TTC29: variants seen among roughly 807,000 people sequenced by gnomAD.
The protein encoded by TTC29 is tetratricopeptide repeat domain 29.
TTC29 carries 49 observed loss-of-function variants against 58.1 expected under a neutral mutation model. That is an observed-to-expected ratio of 0.84 (90% CI 0.67 to 1.07). The LOEUF (loss-of-function observed/expected upper bound fraction) is 1.07. Ranked by LOEUF, TTC29 falls within the 50% of genes least tolerant of loss-of-function variation. TTC29 has a pLI of 0.00. For synonymous variants in TTC29, 209 were observed against 196.8 expected (o/e 1.06, Z -0.52); for missense variants, 582 against 555.6 (o/e 1.05, Z -0.48).
At chr4:146,914,376 C>T (rs1734084400) in intron 4 of TTC29, among the ~76,000 whole-genome samples, 1 of 152,058 alleles carries the variant, frequency 6.6e-6, no homozygotes, top group Non-Finnish European at 1.5e-5. Context: ...ACTTTTTAGG[C>T]TTTGGTTTCA....
At chr4:146,845,261 T>C (rs1285501312) in intron 8 of TTC29, among the ~76,000 whole-genome samples, 1 of 152,128 alleles carries the variant, frequency 6.6e-6, no homozygotes, top group Non-Finnish European at 1.5e-5. Context: ...TTTCCTTCCA[T>C]GTGTATCAGT....
chr4:146,708,308 TTATATATA>T (rs59963230), intron 11 of TTC29, among the ~76,000 whole-genome samples: 98 of 62,186 alleles, frequency 1.6e-3, no homozygotes, highest in African/African-American at 3.3e-3. Context: ...TATGGGAAGT[TTATATATA>T]TATATATATA....
intron 8 of TTC29, among the ~76,000 whole-genome samples, chr4:146,855,863 A>T (rs1347081755): frequency 6.6e-6 from 1 of 152,136 alleles, no homozygotes. Flanking sequence ...TGACCCACAC[A>T]CTTATTCCTG....
chr4:146,756,906 T>C (rs60107338), intron 11 of TTC29, among the ~76,000 whole-genome samples: 7,477 of 152,194 alleles, frequency 0.049, 630 homozygotes, highest in African/African-American at 0.17. Flanking sequence ...GTAAGCTACC[T>C]ATTTCCATGA....
rs78668530 is a variant in TTC29, at chr4:146,848,254, T to C, written c.886-14357A>G. Among the ~76,000 whole-genome samples, 130 of 152,342 alleles carry C rather than the reference T, an allele frequency of 8.5e-4. 1 individual carries two copies. Among genetic ancestry groups the C allele is most frequent in the Non-Finnish European group, 1.6e-3 (112 of 68,030 alleles). On this transcript the variant is annotated intron_variant, in intron 8 of 12. Coordinates refer to ENST00000325106, the MANE Select transcript of TTC29 (RefSeq NM_031956.4). ...AGTATAATAAAGCATTAATCGAGTA[T>C]ACTTTTATTGACTGAATAAAATTCA...
chr4:146,872,829 C>G (rs1015529092), intron 7 of TTC29, among the ~76,000 whole-genome samples: 11 of 151,986 alleles, frequency 7.2e-5, no homozygotes, highest in African/African-American at 2.7e-4. Context: ...CTGGCAGCTC[C>G]TCAATAAGTT....
rs6848510 is a variant in TTC29 at position 146,930,042 on chromosome 4, A to T, written c.176+7552T>A. ...GCACACATACAATATATATATATAT[A>T]TTTATGAAGATACACACTACATATA... is the stretch of plus-strand genomic sequence containing the variant. On this transcript the variant is annotated intron_variant, in intron 4 of 12. Transcript: ENST00000325106. Among the ~76,000 whole-genome samples, 426 of 144,906 alleles carry T rather than the reference A, an allele frequency of 2.9e-3. 2 individuals are homozygous for T. Among genetic ancestry groups the T allele is most frequent in the African/African-American group, 0.01 (397 of 39,440 alleles).
At chr4:146,864,022 G>A (rs1348122820) in intron 8 of TTC29, among the ~76,000 whole-genome samples, 2 of 152,020 alleles carry the variant, frequency 1.3e-5, no homozygotes, top group Non-Finnish European at 2.9e-5. Flanking sequence ...CCAGCTATCT[G>A]GGCATCCCAT....
chr4:146,728,254 C>G (rs927373380), intron 11 of TTC29, among the ~76,000 whole-genome samples: 2 of 151,616 alleles, frequency 1.3e-5, no homozygotes, highest in Non-Finnish European at 2.9e-5. Flanking sequence ...CCACTGCACT[C>G]CAGTCTGGGC....
At chr4:146,743,859 T>G (rs1267532527) in intron 11 of TTC29, among the ~76,000 whole-genome samples, 1 of 152,232 alleles carries the variant, frequency 6.6e-6, no homozygotes, top group East Asian at 1.9e-4. Context: ...CTCAGGAAGA[T>G]ATTTACAAAT....
intron 8 of TTC29, among the ~76,000 whole-genome samples, chr4:146,859,080 C>A (rs543634837): frequency 6.6e-6 from 1 of 152,222 alleles, no homozygotes; most frequent in East Asian, 1.9e-4. Context: ...TCATATTAAA[C>A]GGGCCCCAAC....
intron 11 of TTC29, among the ~76,000 whole-genome samples, chr4:146,799,547 G>A (rs1750063059): frequency 6.6e-6 from 1 of 152,108 alleles, no homozygotes. Context: ...ACTAAATGAT[G>A]CATAAAACTA....
intron 5 of TTC29, among the ~76,000 whole-genome samples, chr4:146,905,488 T>A (rs1047517409): frequency 2.0e-5 from 3 of 151,736 alleles, no homozygotes; most frequent in African/African-American, 7.2e-5. Context: ...AGACTACTTG[T>A]CAGCTAAGCT....
At chr4:146,878,919 G>A (rs1561214040) in intron 6 of TTC29, among the ~76,000 whole-genome samples, 3 of 152,148 alleles carry the variant, frequency 2.0e-5, no homozygotes, top group East Asian at 3.9e-4. Context: ...GGGTACACTC[G>A]ACTCAGGCAC....
chr4:146,778,166 C>T (rs1748254627), intron 11 of TTC29, among the ~76,000 whole-genome samples: 1 of 151,434 alleles, frequency 6.6e-6, no homozygotes, highest in Non-Finnish European at 1.5e-5. Context: ...TTTACTTTCT[C>T]TGTCTATCCT....
At chr4:146,803,254 C>A (rs1489238185) in intron 11 of TTC29, among the ~76,000 whole-genome samples, 1 of 151,544 alleles carries the variant, frequency 6.6e-6, no homozygotes, top group South Asian at 2.1e-4. Context: ...CACATTATTA[C>A]CACTATTTTA....
intron 11 of TTC29, among the ~76,000 whole-genome samples, chr4:146,742,231 T>C (rs1341421598): frequency 1.3e-5 from 2 of 152,180 alleles, no homozygotes; most frequent in East Asian, 3.9e-4. Context: ...CATGAGGCTC[T>C]TGGATGGTCA....
chr4:146,820,888 C>T (rs181536784), intron 9 of TTC29, among the ~76,000 whole-genome samples: 2 of 151,914 alleles, frequency 1.3e-5, no homozygotes, highest in African/African-American at 4.8e-5. Flanking sequence ...AAAAATTAGC[C>T]AGGCATGGTG....
chr4:146,843,688 T>C (rs958696131), intron 8 of TTC29, among the ~76,000 whole-genome samples: 6 of 152,168 alleles, frequency 3.9e-5, no homozygotes, highest in African/African-American at 1.4e-4. Flanking sequence ...TCCAAAAGTA[T>C]GATTTGGATT....
Sources: gnomAD v4.1 joint callset for allele counts (sites outside exome capture counted in the v4.1 genomes callset) on GRCh38, gnomAD v4.1.1 for gene constraint, MANE v1.5 for transcripts, NCBI Gene and HGNC (gene_info 2026-07-23, HGNC 2026-07-21) for gene names.